NFAT5: variants seen among roughly 807,000 people sequenced by gnomAD.
NFAT5 encodes nuclear factor of activated T cells 5.
Under a neutral mutation model 166.5 loss-of-function variants are expected in NFAT5, and 31 were observed. The observed-to-expected ratio is 0.19, with a 90% CI of 0.14 to 0.25. The LOEUF (loss-of-function observed/expected upper bound fraction) is 0.25, where lower values mean the gene tolerates loss of function less well. NFAT5 is among the 10% of genes least tolerant of loss of function. The probability of loss-of-function intolerance (pLI) is 1.00; values close to 1 mark genes in which losing one functional copy is unlikely to be tolerated. For missense variants in NFAT5, 1,449 were observed against 1,821.8 expected (o/e 0.80, Z 3.72); for synonymous variants, 612 against 639.7 (o/e 0.96, Z 0.65).
chr16:69,678,271 A>G (rs966222397), intron 10 of NFAT5, among the ~76,000 whole-genome samples: 5 of 151,016 alleles, frequency 3.3e-5, no homozygotes, highest in South Asian at 2.1e-4. Context: ...CTGGAGTGCA[A>G]TGGCGCGATC....
chr16:69,654,185 A>C lies in NFAT5; in HGVS notation c.1005+757A>C, dbSNP rs117666269. Among the ~76,000 whole-genome samples the C allele has an allele frequency of 4.1e-3, 621 of 152,306 alleles. 2 individuals carry two copies. The highest frequency in any genetic ancestry group is 0.017 in the Middle Eastern group (5 of 294). On this transcript the variant is annotated intron_variant, in intron 5 of 14. Coordinates refer to ENST00000349945, the MANE Select transcript of NFAT5 (RefSeq NM_138713.4). ...AATGGGGGAATGGGGAGAGGACTTA[A>C]CAAGTGTCCCTACCCCTTGCTAAAT...
intron 2 of NFAT5, among the ~76,000 whole-genome samples, chr16:69,600,776 A>AG: frequency 6.6e-6 from 1 of 151,374 alleles, no homozygotes; most frequent in Admixed American, 6.6e-5. Context: ...AAAAAAAAAA[A>AG]AAAGGCTCCT....
chr16:69,636,880 T>G (rs1463659780), intron 3 of NFAT5, among the ~76,000 whole-genome samples: 1 of 152,216 alleles, frequency 6.6e-6, no homozygotes, highest in African/African-American at 2.4e-5. Context: ...ACATTAGGCT[T>G]CTTGCTACTT....
chr16:69,660,743 T>A (rs1336082482), intron 7 of NFAT5, among the ~76,000 whole-genome samples: 1 of 152,150 alleles, frequency 6.6e-6, no homozygotes, highest in African/African-American at 2.4e-5. Flanking sequence ...TAATTGTAGT[T>A]TCTCTCTAAT....
intron 2 of NFAT5, among the ~76,000 whole-genome samples, chr16:69,573,291 T>C (rs1006952957): frequency 6.6e-6 from 1 of 152,152 alleles, no homozygotes; most frequent in Non-Finnish European, 1.5e-5. Flanking sequence ...TTATACTTCA[T>C]AGTGCAAAAA....
rs2032589358 is a variant in NFAT5, at chr16:69,593,353, A to G, written c.127+24805A>G. On this transcript the variant is annotated intron_variant, in intron 2 of 14. Coordinates refer to ENST00000349945, the MANE Select transcript of NFAT5 (RefSeq NM_138713.4). ...TCTTTTTTAAAAAAAAATTTTTTTA[A>G]TTTTAAGACAGGGTCTCACTCTGTC... Among the ~76,000 whole-genome samples, 7 of 152,068 alleles carry G rather than the reference A, an allele frequency of 4.6e-5. No homozygotes were observed. The South Asian group carries it at 1.4e-3, about 31-fold the overall frequency.
intron 2 of NFAT5, among the ~76,000 whole-genome samples, chr16:69,593,220 G>A (rs1467518740): frequency 1.3e-5 from 2 of 152,068 alleles, no homozygotes; most frequent in African/African-American, 2.4e-5. Context: ...CTGAGTTTCT[G>A]TCTTTATCTT....
Position 69,655,843 on chromosome 16 carries a change from T to G in NFAT5, c.1196+44T>G, listed in dbSNP as rs377286291. 580 of 1,452,812 alleles carry G rather than the reference T, an allele frequency of 4.0e-4. 1 individual carries two copies. The highest frequency in any genetic ancestry group is 5.2e-4 in the Non-Finnish European group (553 of 1,063,486). 90.0% of individuals were successfully genotyped at this position (1,452,812 alleles called of 1,614,324 possible). A position where few individuals can be genotyped will look rare whatever the true frequency, so the allele number is the denominator to read the frequency against. On this transcript the variant is annotated intron_variant, in intron 6 of 14. Coordinates refer to ENST00000349945, the MANE Select transcript of NFAT5 (RefSeq NM_138713.4). Reference sequence around the variant, plus strand: ...TTTTTCATTATACATTACACTCTTGTGTTAGGCAGAATTGTTCAGTTTCTA... The same window carrying G: ...TTTTTCATTATACATTACACTCTTGGGTTAGGCAGAATTGTTCAGTTTCTA...
At chr16:69,638,155 G>C (rs375612737) in intron 3 of NFAT5, among the ~76,000 whole-genome samples, 1 of 151,952 alleles carries the variant, frequency 6.6e-6, no homozygotes, top group African/African-American at 2.4e-5. Flanking sequence ...GGAGGCGGAG[G>C]TTGCAGCGAG....
chr16:69,680,738 A>ATTTTTTTG (rs538788295), intron 10 of NFAT5, among the ~76,000 whole-genome samples: 2 of 151,742 alleles, frequency 1.3e-5, no homozygotes, highest in Non-Finnish European at 2.9e-5. Flanking sequence ...TGCAATTTTC[A>ATTTTTTTG]TTTTTTTGTT....
intron 3 of NFAT5, 50 bp downstream of exon 3, chr16:69,626,578 C>G: frequency 7.0e-7 from 1 of 1,437,274 alleles, no homozygotes; most frequent in Middle Eastern, 1.9e-4. Context: ...CAATATAAAT[C>G]TGGCCAACAT....
At chr16:69,663,470 C>T (rs1229461837) in intron 7 of NFAT5, among the ~76,000 whole-genome samples, 13 of 150,640 alleles carry the variant, frequency 8.6e-5, no homozygotes, top group Admixed American at 4.0e-4. Flanking sequence ...TGCAGTGGCA[C>T]GCACCTGTAG....
chr16:69,662,184 C>G (rs528349756), intron 7 of NFAT5, among the ~76,000 whole-genome samples: 132 of 152,278 alleles, frequency 8.7e-4, no homozygotes, highest in African/African-American at 3.0e-3. Flanking sequence ...GCATCTAATT[C>G]AGACTGCTCA....
Position 69,655,748 on chromosome 16 carries a change from G to A in NFAT5, c.1145G>A (p.Gly382Asp). The change falls in exon 6 of 15, where the codon GGC becomes GAC. Residue 382 changes from glycine (G) to aspartate (D), a missense_variant. Transcript: ENST00000349945. The stretch of plus-strand genomic sequence containing the variant: ...CCTTGCAAAGAAGTGGACATTGAAG[G>A]CACTACTGTTATAGAAGTCGGCCTT... ...TTPCKEVDIE[G>D]TTVIEVGLDP... 2 of 1,613,788 alleles carry A rather than the reference G, an allele frequency of 1.2e-6. No individual in the cohort carries two copies. Among genetic ancestry groups the A allele is most frequent in the Non-Finnish European group, 1.7e-6 (2 of 1,179,872 alleles).
chr16:69,629,000 A>G (rs138573766), intron 3 of NFAT5, among the ~76,000 whole-genome samples: 8,977 of 152,224 alleles, frequency 0.059, 289 homozygotes, highest in Middle Eastern at 0.11. Flanking sequence ...CTTGAACCCG[A>G]GAGGCGGAGG....
At chr16:69,646,240 G>A (rs776700152) in intron 3 of NFAT5, among the ~76,000 whole-genome samples, 3 of 152,104 alleles carry the variant, frequency 2.0e-5, no homozygotes, top group Non-Finnish European at 2.9e-5. Flanking sequence ...TGTCATAAAG[G>A]ATGGATTTAT....
intron 2 of NFAT5, among the ~76,000 whole-genome samples, chr16:69,592,184 A>G (rs3885612): frequency 0.24 from 35,665 of 149,940 alleles, 4,557 homozygotes; most frequent in East Asian, 0.45. Flanking sequence ...AGTTCAAGCA[A>G]TTTTCCTGCC....
At chr16:69,620,033 A>C (rs1257351560) in intron 2 of NFAT5, among the ~76,000 whole-genome samples, 1 of 152,234 alleles carries the variant, frequency 6.6e-6, no homozygotes, top group Non-Finnish European at 1.5e-5. Flanking sequence ...ATTATAGTTT[A>C]CAGAATGACT....
At chr16:69,642,771 T>C (rs2035268821) in intron 3 of NFAT5, among the ~76,000 whole-genome samples, 1 of 151,314 alleles carries the variant, frequency 6.6e-6, no homozygotes, top group Non-Finnish European at 1.5e-5. Flanking sequence ...GAGCCAAGAT[T>C]GTGCCACTGT....
Sources: allele counts gnomAD v4.1 joint callset (sites outside exome capture counted in the v4.1 genomes callset), GRCh38; gene constraint gnomAD v4.1.1; transcripts MANE v1.5; gene names NCBI Gene and HGNC (gene_info 2026-07-23, HGNC 2026-07-21).